The following ZNF804B variants were observed in gnomAD, a reference collection of about 807,000 sequenced individuals.
ZNF804B encodes zinc finger protein 804B.
In ZNF804B, 80 loss-of-function variants were observed where a neutral mutation model predicts 101.4. The ratio of observed to expected loss-of-function variants is 0.79; its 90% CI spans 0.66 to 0.95. The LOEUF (loss-of-function observed/expected upper bound fraction) is 0.95, where lower values mean the gene tolerates loss of function less well. ZNF804B is among the 40% of genes least tolerant of loss of function. The pLI is 0.00. For synonymous variants in ZNF804B, 622 were observed against 558.8 expected (o/e 1.11, Z -1.59); for missense variants, 1,673 against 1,561.9 (o/e 1.07, Z -1.20).
chr7:88,831,717 CA>C (rs1791137182), intron 1 of ZNF804B, among the ~76,000 whole-genome samples: 4 of 151,786 alleles, frequency 2.6e-5, no homozygotes, highest in Non-Finnish European at 5.9e-5. Context: ...AACAGGAATT[CA>C]AATTTTTTAT....
Position 89,336,504 on chromosome 7 carries a change from A to G in ZNF804B, c.3522A>G (p.Leu1174=). The G allele has an allele frequency of 1.2e-6, 2 of 1,614,092 alleles. No homozygotes were observed. The highest frequency in any genetic ancestry group is 2.2e-5 in the East Asian group (1 of 44,874). The change falls in exon 4 of 4, where the codon CTA becomes CTG. Residue 1174 remains leucine, a synonymous_variant. Coordinates refer to ENST00000333190, the MANE Select transcript of ZNF804B (RefSeq NM_181646.5). The stretch of plus-strand genomic sequence containing the variant: ...AGCAGCATATGCAGAAGCAACTCCT[A>G]TCAAAGCATCTTCGAGTTTTGCCTG... ...QAQQHMQKQL[L]SKHLRVLPAA...
At chr7:89,175,141 A>AAAT (rs1313707874) in intron 1 of ZNF804B, among the ~76,000 whole-genome samples, 2 of 98,612 alleles carry the variant, frequency 2.0e-5, no homozygotes, top group South Asian at 3.5e-4. Context: ...TGTGCTCAAT[A>AAAT]AATCTTTGCC....
intron 1 of ZNF804B, among the ~76,000 whole-genome samples, chr7:88,788,277 A>G (rs1790332258): frequency 6.6e-6 from 1 of 152,094 alleles, no homozygotes; most frequent in Admixed American, 6.6e-5. Flanking sequence ...GGCCCTACAT[A>G]GTGTAACCCT....
At chr7:89,294,886 G>T (rs1320194492) in intron 2 of ZNF804B, among the ~76,000 whole-genome samples, 3 of 151,466 alleles carry the variant, frequency 2.0e-5, no homozygotes, top group Admixed American at 6.6e-5. Flanking sequence ...ACTTATTTTG[G>T]TTTTTCCAAT....
intron 1 of ZNF804B, among the ~76,000 whole-genome samples, chr7:89,082,379 G>GT (rs1318973530): frequency 3.3e-5 from 5 of 151,302 alleles, no homozygotes; most frequent in African/African-American, 4.8e-5. Flanking sequence ...ATATATTAGT[G>GT]TTTTTTTATT....
chr7:89,123,157 C>T (rs1232724632), intron 1 of ZNF804B, among the ~76,000 whole-genome samples: 2 of 147,098 alleles, frequency 1.4e-5, no homozygotes, highest in Non-Finnish European at 3.0e-5. Flanking sequence ...CCAAGTTCAG[C>T]TTTTTTTTTT....
intron 2 of ZNF804B, among the ~76,000 whole-genome samples, chr7:89,300,415 A>C (rs2115920098): frequency 6.6e-6 from 1 of 151,670 alleles, no homozygotes; most frequent in South Asian, 2.1e-4. Flanking sequence ...CATGCACTTA[A>C]TGACTACTCT....
intron 1 of ZNF804B, among the ~76,000 whole-genome samples, chr7:88,874,035 C>T (rs1206834924): frequency 6.6e-6 from 1 of 152,112 alleles, no homozygotes; most frequent in East Asian, 1.9e-4. Context: ...ATGGGGATGG[C>T]ATTGAATCTG....
In ZNF804B at chr7:89,099,132, G is replaced by A. The variant is rs1790014832; in HGVS notation, c.109-119023G>A. On this transcript the variant is annotated intron_variant, in intron 1 of 3. Transcript: ENST00000333190. ...CACACACACCTTAAAGGTGGCATGG[G>A]AATGGAATGTTTAAGAAAAATAAAA... 2.0e-5 allele frequency among the ~76,000 whole-genome samples: 3 copies of A among 150,662 alleles called. No individual in the cohort carries two copies. In the South Asian group the frequency reaches 6.3e-4, roughly 31 times the overall value.
chr7:89,332,548 TATAG>T (rs1175631661), intron 3 of ZNF804B, among the ~76,000 whole-genome samples: 11 of 151,886 alleles, frequency 7.2e-5, no homozygotes, highest in Non-Finnish European at 2.9e-5. Flanking sequence ...GTAGAGGGTA[TATAG>T]ATAGACTGTT....
chr7:89,198,094 A>G (rs1053742034), intron 1 of ZNF804B, among the ~76,000 whole-genome samples: 47 of 152,016 alleles, frequency 3.1e-4, no homozygotes, highest in African/African-American at 1.1e-3. Flanking sequence ...AACCTTTGCA[A>G]ATAGATTATT....
chr7:89,067,498 G>T (rs1789471383), intron 1 of ZNF804B, among the ~76,000 whole-genome samples: 1 of 152,124 alleles, frequency 6.6e-6, no homozygotes, highest in Admixed American at 6.6e-5. Flanking sequence ...GCTACCAAAT[G>T]ATTGCTCTTC....
intron 1 of ZNF804B, among the ~76,000 whole-genome samples, chr7:89,019,065 C>T (rs978166626): frequency 6.6e-6 from 1 of 151,868 alleles, no homozygotes; most frequent in Non-Finnish European, 1.5e-5. Context: ...CTTTAGGGAG[C>T]ATTGTTAGTT....
chr7:88,941,754 G>A (rs1021461907), intron 1 of ZNF804B, among the ~76,000 whole-genome samples: 1 of 151,928 alleles, frequency 6.6e-6, no homozygotes, highest in South Asian at 2.1e-4. Context: ...AATATAAATT[G>A]TGGACTTTAG....
At chr7:88,989,976 G>A (rs1265246237) in intron 1 of ZNF804B, among the ~76,000 whole-genome samples, 2 of 151,460 alleles carry the variant, frequency 1.3e-5, no homozygotes, top group African/African-American at 2.4e-5. Context: ...TTCTTATGAA[G>A]ACAACAAAGT....
intron 1 of ZNF804B, among the ~76,000 whole-genome samples, chr7:88,880,077 G>A (rs1246322495): frequency 1.3e-5 from 2 of 151,918 alleles, no homozygotes; most frequent in African/African-American, 4.8e-5. Flanking sequence ...TATCTGGGGA[G>A]AGGAGTAATT....
At chr7:89,141,610 A>G (rs1201214357) in intron 1 of ZNF804B, among the ~76,000 whole-genome samples, 1 of 151,952 alleles carries the variant, frequency 6.6e-6, no homozygotes, top group Non-Finnish European at 1.5e-5. Context: ...TGGTAATTCT[A>G]TGTTTAACTT....
intron 1 of ZNF804B, among the ~76,000 whole-genome samples, chr7:89,103,247 T>C (rs1166763155): frequency 5.9e-5 from 9 of 151,366 alleles, no homozygotes; most frequent in Admixed American, 5.9e-4. Context: ...AAATTGTTTT[T>C]TCAAATTCTG....
At chr7:89,268,555 C>T (rs1332881711) in intron 2 of ZNF804B, among the ~76,000 whole-genome samples, 2 of 147,864 alleles carry the variant, frequency 1.4e-5, no homozygotes, top group Admixed American at 6.8e-5. Context: ...AGGCACAAAG[C>T]TATTTGATTT....
Sources: allele counts gnomAD v4.1 joint callset (sites outside exome capture counted in the v4.1 genomes callset), GRCh38; gene constraint gnomAD v4.1.1; transcripts MANE v1.5; gene names NCBI Gene and HGNC (gene_info 2026-07-23, HGNC 2026-07-21).